The following APOL6 variants were observed in gnomAD, a reference collection of about 807,000 sequenced individuals.
The protein encoded by APOL6 is apolipoprotein L6.
In APOL6, 1 loss-of-function variant was observed where a neutral mutation model predicts 2.4. The ratio of observed to expected loss-of-function variants is 0.41; its 90% confidence interval spans 0.15 to 1.94. APOL6 has a LOEUF of 1.94. Among genes scored for constraint, APOL6 ranks in the 30% most tolerant of loss-of-function variants. The pLI is 0.30. For synonymous variants in APOL6, 189 were observed against 169.3 expected (o/e 1.12, Z -0.90); for missense variants, 438 against 429.2 (o/e 1.02, Z -0.18).
At position 35,666,912 on chromosome 22, in the gene APOL6, T is replaced by C. The variant is rs1925200069; in HGVS notation, c.*7316T>C. 1 of 152,266 alleles carries C rather than the reference T, an allele frequency of 6.6e-6. No homozygotes were observed. Among genetic ancestry groups the C allele is most frequent in the African/African-American group, 2.4e-5 (1 of 41,472 alleles). 9.4% of individuals were successfully genotyped at this position (152,266 alleles called of 1,614,324 possible). On this transcript the variant is annotated 3_prime_UTR_variant, in exon 3 of 3. Coordinates refer to ENST00000409652, the MANE Select transcript of APOL6 (RefSeq NM_030641.4). ...AGCATATTTGTTTCTCTCTACCTGA[T>C]TTCTCCAGAATTCAGAAACTATTTG...
At chr22:35,653,926 A>G (rs1170021859) in intron 1 of APOL6, among the ~76,000 whole-genome samples, 1 of 152,198 alleles carries the variant, frequency 6.6e-6, no homozygotes, top group Non-Finnish European at 1.5e-5. Context: ...CTTTTGTCCA[A>G]CTTGGTGACA....
Position 35,668,021 on chromosome 22 carries a change from A to T in APOL6, c.*8425A>T, listed in dbSNP as rs1371988905. On this transcript the variant is annotated 3_prime_UTR_variant, in exon 3 of 3. Coordinates refer to ENST00000409652, the MANE Select transcript of APOL6 (RefSeq NM_030641.4). ...CAGCATTAACATCAACACAGACCTT[A>T]AGGCTGATAAGAAGCATTTACAATC... The T allele has an allele frequency of 6.6e-6, 1 of 152,140 alleles. No individual in the cohort carries two copies. The highest frequency in any genetic ancestry group is 2.4e-5 in the African/African-American group (1 of 41,426). The allele number at this position is 152,140 out of a possible 1,614,324, so 9.4% of individuals were successfully genotyped here.
At position 35,659,710 on chromosome 22, in the gene APOL6, T is replaced by A. The variant is rs1264598377; in HGVS notation, c.*114T>A. 7.1e-7 allele frequency: 1 copy of A among 1,403,324 alleles called. No individual in the cohort carries two copies. Among genetic ancestry groups the A allele is most frequent in the African/African-American group, 1.4e-5 (1 of 69,208 alleles). 86.9% of individuals were successfully genotyped at this position (1,403,324 alleles called of 1,614,324 possible). ...ACCTCGGCATGCCTTCTGTTTCTCC[T>A]TCAATGCTCCTTAAGGCCTATGTGC... On this transcript the variant is annotated 3_prime_UTR_variant, in exon 3 of 3. Coordinates refer to ENST00000409652, the MANE Select transcript of APOL6 (RefSeq NM_030641.4).
chr22:35,650,430 C>T (rs1924657751), intron 1 of APOL6, among the ~76,000 whole-genome samples: 1 of 152,180 alleles, frequency 6.6e-6, no homozygotes, highest in African/African-American at 2.4e-5. Flanking sequence ...TGAAATGCGA[C>T]ATGGCTTCTA....
chr22:35,650,053 T>C (rs1924647345), intron 1 of APOL6, among the ~76,000 whole-genome samples: 2 of 152,226 alleles, frequency 1.3e-5, no homozygotes, highest in Non-Finnish European at 2.9e-5. Flanking sequence ...TCCTGCTTAC[T>C]GTGTGACACT....
Position 35,661,202 on chromosome 22 carries a change from C to T in APOL6, c.*1606C>T, listed in dbSNP as rs984091754. On this transcript the variant is annotated 3_prime_UTR_variant, in exon 3 of 3. Transcript: ENST00000409652. ...CAAAACCCTGTCTCTACTATAAATA[C>T]AAAAATTAGCCAGGTGTAGTGGCAG... 6.6e-6 allele frequency: 1 copy of T among 151,752 alleles called. No homozygotes were observed. Among genetic ancestry groups the T allele is most frequent in the African/African-American group, 2.4e-5 (1 of 41,296 alleles). The allele number at this position is 151,752 out of a possible 1,614,324, so 9.4% of individuals were successfully genotyped here.
intron 1 of APOL6, among the ~76,000 whole-genome samples, chr22:35,650,647 G>A (rs937414464): frequency 6.6e-6 from 1 of 152,232 alleles, no homozygotes; most frequent in East Asian, 1.9e-4. Flanking sequence ...TTTGTGTCCT[G>A]GGCTGGGCAT....
rs1288030231 is a variant in APOL6 at position 35,659,309 on chromosome 22, T to C, written c.745T>C (p.Leu249=). The C allele has an allele frequency of 6.2e-7, 1 of 1,614,054 alleles. No individual in the cohort carries two copies. Among genetic ancestry groups the C allele is most frequent in the Non-Finnish European group, 8.5e-7 (1 of 1,179,950 alleles). Residue 249 remains leucine (L), a synonymous_variant, in exon 3 of 3, where the codon TTG becomes CTG. Transcript: ENST00000409652. ...GTCCGCCTTCTCCCTTGGCTATGACTTGGCCACTCTCTCAAAGGAATGGAA... is the reference window on the plus strand; with the variant it reads ...GTCCGCCTTCTCCCTTGGCTATGACCTGGCCACTCTCTCAAAGGAATGGAA... ...VMSAFSLGYD[L]ATLSKEWKHL...
Position 35,658,959 on chromosome 22 carries a change from G to A in APOL6, c.395G>A (p.Arg132His), listed in dbSNP as rs370134377. Residue 132 changes from arginine (R) to histidine (H), a missense_variant, in exon 3 of 3, where the codon CGC becomes CAC. Arg to His is a conservative substitution (Grantham distance 29). Coordinates refer to ENST00000409652, the MANE Select transcript of APOL6 (RefSeq NM_030641.4). ...VTSIVSGTLERSKNKEAQARA... is the reference protein window; with the variant it reads ...VTSIVSGTLEHSKNKEAQARA... Reference sequence around the variant, plus strand: ...AGCATCGTGAGTGGTACGTTGGAACGCTCCAAAAATAAAGAAGCCCAAGCA... The same window carrying A: ...AGCATCGTGAGTGGTACGTTGGAACACTCCAAAAATAAAGAAGCCCAAGCA... 1.9e-5 allele frequency: 30 copies of A among 1,613,866 alleles called. No individual in the cohort carries two copies. The highest frequency in any genetic ancestry group is 1.3e-4 in the African/African-American group (10 of 75,004).
chr22:35,660,097 A>G lies in APOL6; in HGVS notation c.*501A>G, dbSNP rs5999924. On this transcript the variant is annotated 3_prime_UTR_variant, in exon 3 of 3. Coordinates refer to ENST00000409652, the MANE Select transcript of APOL6 (RefSeq NM_030641.4). ...TTCCCAGTTTTAACAAAGAGGTCAC[A>G]GAGCCACAGGCGGAGTTAGGAACTA... 0.01 allele frequency: 1,641 copies of G among 160,130 alleles called. 29 individuals are homozygous for G. The highest frequency in any genetic ancestry group is 0.037 in the African/African-American group (1,526 of 41,622). The allele number at this position is 160,130 out of a possible 1,614,324, so 9.9% of individuals were successfully genotyped here.
At chr22:35,649,280 C>A (rs373047491) in intron 1 of APOL6, among the ~76,000 whole-genome samples, 3 of 151,634 alleles carry the variant, frequency 2.0e-5, no homozygotes, top group African/African-American at 7.3e-5. Flanking sequence ...TACAAAAAAT[C>A]AAAAAATAGC....
In APOL6 at chr22:35,663,730, A is replaced by G. The variant is rs530734154; in HGVS notation, c.*4134A>G. On this transcript the variant is annotated 3_prime_UTR_variant, in exon 3 of 3. Transcript: ENST00000409652. ...TGTACCTTATCATGTAAATTTTGCT[A>G]TTTGATTTTCACCTGGGTTGTTTCC... The G allele has an allele frequency of 6.6e-6, 1 of 152,222 alleles. No homozygotes were observed. Among genetic ancestry groups the G allele is most frequent in the African/African-American group, 2.4e-5 (1 of 41,544 alleles). The allele number at this position is 152,222 out of a possible 1,614,324, so 9.4% of individuals were successfully genotyped here.
chr22:35,659,548 G>A lies in APOL6; in HGVS notation c.984G>A (p.Leu328=), dbSNP rs752141534. 3 of 1,613,920 alleles carry A rather than the reference G, an allele frequency of 1.9e-6. No individual in the cohort carries two copies. The highest frequency in any genetic ancestry group is 1.7e-6 in the Non-Finnish European group (2 of 1,179,934). The change falls in exon 3 of 3, where the codon CTG becomes CTA. Residue 328 remains leucine (L), a synonymous_variant. Transcript: ENST00000409652. Reference sequence around the variant, plus strand: ...TAAGGGAGCATGTGTGGATGTGGCTGTGGCTGTGTGTGTGTCTGTGTGTCT... The same window carrying A: ...TAAGGGAGCATGTGTGGATGTGGCTATGGCTGTGTGTGTGTCTGTGTGTCT... ...KELREHVWMW[L]WLCVCLCVCV...
In APOL6 at chr22:35,658,945, T is replaced by A; in HGVS notation, c.381T>A (p.Ser127Arg). The A allele has an allele frequency of 6.2e-7, 1 of 1,613,794 alleles. No individual in the cohort carries two copies. Among genetic ancestry groups the A allele is most frequent in the Non-Finnish European group, 8.5e-7 (1 of 1,180,006 alleles). Residue 127 changes from serine (S) to arginine (R), a missense_variant, in exon 3 of 3, where the codon AGT (serine) becomes AGA (arginine). By Grantham distance (110) the Ser-to-Arg change is moderately radical (BLOSUM62 -1). Coordinates refer to ENST00000409652, the MANE Select transcript of APOL6 (RefSeq NM_030641.4). ...CAGCTGGGGTCACCAGCATCGTGAG[T>A]GGTACGTTGGAACGCTCCAAAAATA... ...ATAAGVTSIV[S>R]GTLERSKNKE... is the part of the protein sequence containing the mutation.
intron 1 of APOL6, among the ~76,000 whole-genome samples, chr22:35,652,011 C>A (rs1331966557): frequency 6.6e-6 from 1 of 152,226 alleles, no homozygotes; most frequent in African/African-American, 2.4e-5. Context: ...TACAGTCCAA[C>A]CAACAGTGTA....
At chr22:35,656,032 C>G (rs76642348) in intron 1 of APOL6, among the ~76,000 whole-genome samples, 1 of 152,128 alleles carries the variant, frequency 6.6e-6, no homozygotes, top group South Asian at 2.1e-4. Flanking sequence ...TTATGTCTTG[C>G]TTTTAGGCAA....
chr22:35,665,104 A>T lies in APOL6; in HGVS notation c.*5508A>T, dbSNP rs1925138006. 1 of 149,804 alleles carries T rather than the reference A, an allele frequency of 6.7e-6. No individual in the cohort carries two copies. Among genetic ancestry groups the T allele is most frequent in the East Asian group, 2.0e-4 (1 of 5,036 alleles). 9.3% of individuals were successfully genotyped at this position (149,804 alleles called of 1,614,324 possible). ...TAAGTCATGATAAGATTTTATATAT[A>T]TATATACACACACACACACACACCC... On this transcript the variant is annotated 3_prime_UTR_variant, in exon 3 of 3. Coordinates refer to ENST00000409652, the MANE Select transcript of APOL6 (RefSeq NM_030641.4).
At position 35,668,022 on chromosome 22, in the gene APOL6, A is replaced by T. The variant is rs1239992390; in HGVS notation, c.*8426A>T. ...AGCATTAACATCAACACAGACCTTA[A>T]GGCTGATAAGAAGCATTTACAATCT... is the stretch of plus-strand genomic sequence containing the variant. On this transcript the variant is annotated 3_prime_UTR_variant, in exon 3 of 3. Transcript: ENST00000409652. The T allele has an allele frequency of 6.6e-6, 1 of 152,194 alleles. No homozygotes were observed. Among genetic ancestry groups the T allele is most frequent in the Non-Finnish European group, 1.5e-5 (1 of 68,038 alleles). The allele number at this position is 152,194 out of a possible 1,614,324, so 9.4% of individuals were successfully genotyped here.
At position 35,659,107 on chromosome 22, in the gene APOL6, C is replaced by G; in HGVS notation, c.543C>G (p.Ala181=). 2 of 1,613,308 alleles carry G rather than the reference C, an allele frequency of 1.2e-6. No homozygotes were observed. The highest frequency in any genetic ancestry group is 1.7e-6 in the Non-Finnish European group (2 of 1,179,516). Residue 181 remains alanine, a synonymous_variant, in exon 3 of 3, where the codon GCC becomes GCG. Coordinates refer to ENST00000409652, the MANE Select transcript of APOL6 (RefSeq NM_030641.4). ...IYNLRNTLKY[A]KKNVRAFWKL... ...ATCTTAGAAACACCTTGAAGTATGC[C>G]AAGAAAAACGTCCGTGCATTTTGGA...
Sources: allele counts gnomAD v4.1 joint callset (sites outside exome capture counted in the v4.1 genomes callset), GRCh38; gene constraint gnomAD v4.1.1; transcripts MANE v1.5; gene names NCBI Gene and HGNC (gene_info 2026-07-23, HGNC 2026-07-21).